Variants in TLE4 observed in about 807,000 individuals in gnomAD.
The protein encoded by TLE4 is transducin-like enhancer protein 4.
Under a neutral mutation model 92.8 loss-of-function variants are expected in TLE4, and 8 were observed. The ratio of observed to expected loss-of-function variants is 0.09; its 90% CI spans 0.05 to 0.16. TLE4 has a LOEUF of 0.16. TLE4 is among the 10% of genes least tolerant of loss of function. The probability of loss-of-function intolerance (pLI) is 1.00; values close to 1 mark genes in which losing one functional copy is unlikely to be tolerated. For missense variants in TLE4, 675 were observed against 997.6 expected (o/e 0.68, Z 4.36); for synonymous variants, 371 against 374.1 (o/e 0.99, Z 0.10).
chr9:79,705,340 C>T (rs2071226243), intron 9 of TLE4, among the ~76,000 whole-genome samples: 1 of 152,208 alleles, frequency 6.6e-6, no homozygotes, highest in Admixed American at 6.5e-5. Context: ...TCATCCCTAG[C>T]CTGGAATGAA....
chr9:79,572,919 G>A (rs2036224616), intron 1 of TLE4, 84 bp downstream of exon 1: 1 of 1,453,074 alleles, frequency 6.9e-7, no homozygotes. Context: ...TGTGTCTTTT[G>A]GCCGGAGGGG....
At chr9:79,689,254 G>T (rs1337145374) in intron 8 of TLE4, among the ~76,000 whole-genome samples, 1 of 151,860 alleles carries the variant, frequency 6.6e-6, no homozygotes, top group Non-Finnish European at 1.5e-5. Flanking sequence ...ATTCTTAAAT[G>T]ACCAGTAGTA....
intron 8 of TLE4, among the ~76,000 whole-genome samples, chr9:79,656,885 T>C (rs1564694014): frequency 6.6e-6 from 1 of 152,158 alleles, no homozygotes; most frequent in Non-Finnish European, 1.5e-5. Context: ...TGTTGGGCCT[T>C]TTTTTTCCTT....
intron 4 of TLE4, among the ~76,000 whole-genome samples, chr9:79,611,501 A>C (rs532378497): frequency 3.4e-4 from 52 of 152,238 alleles, no homozygotes; most frequent in Non-Finnish European, 5.9e-4. Context: ...AGATTGCACA[A>C]GTAGAGTGTC....
At chr9:79,720,804 A>G (rs1013235225) in intron 16 of TLE4, among the ~76,000 whole-genome samples, 1 of 152,076 alleles carries the variant, frequency 6.6e-6, no homozygotes, top group African/African-American at 2.4e-5. Flanking sequence ...AGCAACTCCC[A>G]TGGGCCTATG....
chr9:79,723,704 A>G (rs888828259), intron 19 of TLE4, among the ~76,000 whole-genome samples: 3 of 152,234 alleles, frequency 2.0e-5, no homozygotes, highest in African/African-American at 7.2e-5. Flanking sequence ...CAAGCAATAT[A>G]ATAGACTTGC....
chr9:79,724,954 C>A, intron 19 of TLE4, 83 bp from the exon 20 acceptor site: 1 of 860,994 alleles, frequency 1.2e-6, no homozygotes, highest in Non-Finnish European at 1.8e-6. Context: ...GAGCACATTA[C>A]ATTTGCATTT....
intron 6 of TLE4, among the ~76,000 whole-genome samples, chr9:79,633,487 A>G (rs1221024244): frequency 1.3e-5 from 2 of 152,142 alleles, no homozygotes; most frequent in Non-Finnish European, 2.9e-5. Flanking sequence ...GAGTTGCAGA[A>G]TGTGTCTGGG....
intron 8 of TLE4, among the ~76,000 whole-genome samples, chr9:79,681,995 G>A (rs1423853670): frequency 6.6e-6 from 1 of 151,946 alleles, no homozygotes; most frequent in African/African-American, 2.4e-5. Context: ...TTACCTCACT[G>A]GTGTCTCATG....
chr9:79,708,404 C>G (rs1300566307), intron 12 of TLE4, among the ~76,000 whole-genome samples, 154 bp downstream of exon 12: 1 of 152,300 alleles, frequency 6.6e-6, no homozygotes, highest in African/African-American at 2.4e-5. Context: ...TGGGACCAAC[C>G]TTGTCTGGCA....
chr9:79,693,551 C>T (rs147304521), intron 8 of TLE4: 141 of 417,530 alleles, frequency 3.4e-4, no homozygotes, highest in African/African-American at 1.5e-3. Context: ...TACCAGATAG[C>T]AGACTGTTGG....
At chr9:79,613,646 T>C (rs1175549144) in intron 5 of TLE4, among the ~76,000 whole-genome samples, 1 of 152,206 alleles carries the variant, frequency 6.6e-6, no homozygotes, top group Non-Finnish European at 1.5e-5. Context: ...GGCACTTTTC[T>C]TCCTACCCTT....
intron 8 of TLE4, among the ~76,000 whole-genome samples, chr9:79,699,356 G>A (rs962385009): frequency 7.2e-5 from 11 of 152,234 alleles, no homozygotes; most frequent in African/African-American, 2.4e-4. Flanking sequence ...AACTTGAATC[G>A]TCCCTGACTC....
intron 8 of TLE4, among the ~76,000 whole-genome samples, chr9:79,679,466 TG>T (rs1490017467): frequency 5.3e-5 from 8 of 152,202 alleles, no homozygotes; most frequent in African/African-American, 1.9e-4. Flanking sequence ...TTGATGGGGT[TG>T]TTTTTTTCTT....
At chr9:79,676,836 A>G (rs1015545854) in intron 8 of TLE4, among the ~76,000 whole-genome samples, 1 of 152,154 alleles carries the variant, frequency 6.6e-6, no homozygotes, top group Non-Finnish European at 1.5e-5. Context: ...AAAAATCCTC[A>G]AATTATTAGT....
chr9:79,605,871 A>G (rs1008409636), intron 4 of TLE4, among the ~76,000 whole-genome samples: 2 of 152,156 alleles, frequency 1.3e-5, no homozygotes, highest in African/African-American at 4.8e-5. Context: ...AACCAAGTTG[A>G]CATTGCTTGT....
chr9:79,707,218 G>A lies in TLE4; in HGVS notation c.936+319G>A, dbSNP rs764028909. The A allele has an allele frequency of 1.6e-5, 25 of 1,611,896 alleles. No individual in the cohort carries two copies. In the East Asian group the frequency reaches 4.2e-4, roughly 27 times the overall value. On this transcript the variant is annotated intron_variant, in intron 11 of 19. Transcript: ENST00000376552. ...GATGGTTTTGTCGCCTGTGGTTTAT[G>A]GTAAATTTAGTTTGGGGCTTGAATG...
At chr9:79,585,737 G>T (rs1396637007) in intron 4 of TLE4, among the ~76,000 whole-genome samples, 2 of 151,738 alleles carry the variant, frequency 1.3e-5, no homozygotes, top group East Asian at 3.9e-4. Flanking sequence ...GTTACCCAAT[G>T]TGCCTAGGAG....
chr9:79,605,748 TA>T (rs752721452), intron 4 of TLE4, among the ~76,000 whole-genome samples: 8 of 152,136 alleles, frequency 5.3e-5, no homozygotes, highest in Admixed American at 1.3e-4. Context: ...TGTATCTTGT[TA>T]GGACAAATAA....
Sources: allele counts gnomAD v4.1 joint callset (sites outside exome capture counted in the v4.1 genomes callset), GRCh38; gene constraint gnomAD v4.1.1; transcripts MANE v1.5; gene names NCBI Gene and HGNC (gene_info 2026-07-23, HGNC 2026-07-21).